GATA5: variants seen among roughly 807,000 people sequenced by gnomAD.
The protein encoded by GATA5 is GATA binding protein 5.
GATA5 carries 27 observed loss-of-function variants against 35.0 expected under a neutral mutation model. The ratio of observed to expected loss-of-function variants is 0.77; its 90% CI spans 0.57 to 1.06. GATA5 has a LOEUF of 1.06. GATA5 is among the 50% of genes least tolerant of loss of function. The probability of loss-of-function intolerance (pLI) is 0.00; values close to 1 mark genes in which losing one functional copy is unlikely to be tolerated. For synonymous variants in GATA5, 306 were observed against 267.8 expected, an observed-to-expected ratio of 1.14 and a Z score of -1.39; for missense variants, 612 against 580.0, an observed-to-expected ratio of 1.06 and a Z score of -0.57.
chr20:62,463,675 G>A lies in GATA5; in HGVS notation c.*1161C>T, dbSNP rs573434304. On this transcript the variant is annotated 3_prime_UTR_variant, in exon 7 of 7. Transcript: ENST00000252997. ...TTCAATATGGGGTGGTGCACTGGGG[G>A]TCTAGCTGGCTCACAATGTTAAAAA... 1.3e-5 allele frequency: 2 copies of A among 152,352 alleles called. No homozygotes were observed. The highest frequency in any genetic ancestry group is 1.9e-4 in the East Asian group (1 of 5,190). The allele number at this position is 152,352 out of a possible 1,614,324, so 9.4% of individuals were successfully genotyped here.
Position 62,475,495 on chromosome 20 carries a change from C to A in GATA5, c.27G>T (p.Ala9=). 7.6e-7 allele frequency: 1 copy of A among 1,319,814 alleles called. No homozygotes were observed. Among genetic ancestry groups the A allele is most frequent in the Non-Finnish European group, 9.6e-7 (1 of 1,037,104 alleles). The allele number at this position is 1,319,814 out of a possible 1,614,324, so 81.8% of individuals were successfully genotyped here. The change falls in exon 2 of 7, where the codon GCG becomes GCT. Residue 9 remains alanine, a synonymous_variant. Transcript: ENST00000252997. Reference sequence around the variant, plus strand: ...CGGCGTAGGCGGCCTGGCGGGGGCTCGCGGCCAGCGCCAGGCTCTGGTACA... The same window carrying A: ...CGGCGTAGGCGGCCTGGCGGGGGCTAGCGGCCAGCGCCAGGCTCTGGTACA... MYQSLALA[A]SPRQAAYADS... is the part of the protein sequence containing the mutation.
At position 62,475,335 on chromosome 20, in the gene GATA5, C is replaced by T. The variant is rs975107982; in HGVS notation, c.187G>A (p.Gly63Ser). ...TCCGCGGTGGCTGTCTGCGCCCAGCCGGGGCGCGCAGCGAGCTCGGGGGGC... is the reference window on the plus strand; with the variant it reads ...TCCGCGGTGGCTGTCTGCGCCCAGCTGGGGCGCGCAGCGAGCTCGGGGGGC... ...PQPPELAARP[G>S]WAQTATADSS... Residue 63 changes from glycine to serine, a missense_variant, in exon 2 of 7, where the codon GGC becomes AGC. Coordinates refer to ENST00000252997, the MANE Select transcript of GATA5 (RefSeq NM_080473.5). 1.6e-6 allele frequency: 2 copies of T among 1,253,796 alleles called. No individual in the cohort carries two copies. 77.7% of individuals were successfully genotyped at this position (1,253,796 alleles called of 1,614,324 possible).
rs1237987380 is a variant in GATA5 at position 62,473,702 on chromosome 20, C to T, written c.524-124G>A. 29 of 814,254 alleles carry T rather than the reference C, an allele frequency of 3.6e-5. No homozygotes were observed. The Admixed American group carries it at 8.4e-4, about 23-fold the overall frequency. 50.4% of individuals were successfully genotyped at this position (814,254 alleles called of 1,614,324 possible). A position where few individuals can be genotyped will look rare whatever the true frequency, so the allele number is the denominator to read the frequency against. ...TTTCGTCAGACGAATAAACTTAAGG[C>T]ACAAATCTTGTGCCTTAGATGTATT... On this transcript the variant is annotated intron_variant, in intron 2 of 6. Transcript: ENST00000252997.
chr20:62,475,319 GCTGT>G lies in GATA5; in HGVS notation c.199_202del (p.Thr67ProfsTer79). On this transcript the variant is annotated frameshift_variant, in exon 2 of 7. Coordinates refer to ENST00000252997, the MANE Select transcript of GATA5 (RefSeq NM_080473.5). LOFTEE classifies it high-confidence loss of function. ...GCCGAAGGCCGACGAATCCGCGGTG[GCTGT>G]CTGCGCCCAGCCGGGGCGCGCAGCG... 8.0e-7 allele frequency: 1 copy of G among 1,251,382 alleles called. No homozygotes were observed. The highest frequency in any genetic ancestry group is 1.0e-6 in the Non-Finnish European group (1 of 997,726). 77.5% of individuals were successfully genotyped at this position (1,251,382 alleles called of 1,614,324 possible).
At position 62,470,518 on chromosome 20, in the gene GATA5, C is replaced by T. The variant is rs8125731; in HGVS notation, c.699+2885G>A. On this transcript the variant is annotated intron_variant, in intron 3 of 6. Transcript: ENST00000252997. The surrounding 1 kb of genome is among the most constrained non-coding windows in gnomAD (Gnocchi z 4.6). The stretch of plus-strand genomic sequence containing the variant: ...GGCCGAGGACAAACTGACTTGGGGA[C>T]GTGGGTCTGTGAAGGGCTCGAAGGA... Among the ~76,000 whole-genome samples, 18,022 of 152,144 alleles carry T rather than the reference C, an allele frequency of 0.12. 1,212 individuals are homozygous for T. Among genetic ancestry groups the T allele is most frequent in the Middle Eastern group, 0.15 (43 of 294 alleles).
rs73149261 is a variant in GATA5, at chr20:62,464,606, T to C, written c.*230A>G. 7,480 of 430,746 alleles carry C rather than the reference T, an allele frequency of 0.017. 112 individuals carry two copies. Among genetic ancestry groups the C allele is most frequent in the Middle Eastern group, 0.038 (66 of 1,728 alleles). 26.7% of individuals were successfully genotyped at this position (430,746 alleles called of 1,614,324 possible). On this transcript the variant is annotated 3_prime_UTR_variant, in exon 7 of 7. Transcript: ENST00000252997. ...GGGCCGCACCTGGGGAGTCCCTTGCTGTACGTGGGGTGGGAAGCTGAGCCC... is the reference window on the plus strand; with the variant it reads ...GGGCCGCACCTGGGGAGTCCCTTGCCGTACGTGGGGTGGGAAGCTGAGCCC...
intron 3 of GATA5, 23 bp downstream of exon 3, chr20:62,473,380 C>T (rs1555896742): frequency 1.3e-6 from 2 of 1,590,260 alleles, no homozygotes; most frequent in Admixed American, 1.7e-5. Flanking sequence ...GCCCAGGCGC[C>T]CCTCTGCCCA....
At chr20:62,468,929 G>C (rs567593593) in intron 3 of GATA5, among the ~76,000 whole-genome samples, 1 of 152,344 alleles carries the variant, frequency 6.6e-6, no homozygotes, top group South Asian at 2.1e-4. Context: ...TCTCTCCCTG[G>C]GATGCCCCCT....
At chr20:62,474,102 G>A (rs1470398127) in intron 2 of GATA5, among the ~76,000 whole-genome samples, 4 of 152,220 alleles carry the variant, frequency 2.6e-5, no homozygotes, top group African/African-American at 7.2e-5. Context: ...GGAGGGTGGA[G>A]GAGGTGCCTT....
In GATA5 at chr20:62,473,480, A is replaced by G; in HGVS notation, c.622T>C (p.Tyr208His). ...PLWRRDGTGH[Y>H]LCNACGLYHK... Reference sequence around the variant, plus strand: ...TAGAGGCCGCAGGCATTGCACAGGTAGTGGCCGGTGCCGTCTCGGCGCCAC... The same window carrying G: ...TAGAGGCCGCAGGCATTGCACAGGTGGTGGCCGGTGCCGTCTCGGCGCCAC... Residue 208 changes from tyrosine (Y) to histidine (H), a missense_variant, in exon 3 of 7, where the codon TAC (tyrosine) becomes CAC (histidine). By Grantham distance (83) the Tyr-to-His change is moderately conservative (BLOSUM62 2). Transcript: ENST00000252997. 2 of 1,611,458 alleles carry G rather than the reference A, an allele frequency of 1.2e-6. No individual in the cohort carries two copies. The highest frequency in any genetic ancestry group is 1.7e-6 in the Non-Finnish European group (2 of 1,179,334).
Position 62,464,959 on chromosome 20 carries a change from G to C in GATA5, c.1071C>G (p.Pro357=), listed in dbSNP as rs556416810. 2.5e-6 allele frequency: 4 copies of C among 1,609,362 alleles called. No homozygotes were observed. The highest frequency in any genetic ancestry group is 2.7e-5 in the African/African-American group (2 of 74,544). ...ASGQEDDSLA[P]GHLEFKFEPE... ...GCTCGAACTTGAACTCCAAGTGGCC[G>C]GGGGCAAGAGAGTCATCCTCCTGGC... Residue 357 remains proline (P), a synonymous_variant, in exon 7 of 7, where the codon CCC becomes CCG. Transcript: ENST00000252997.
chr20:62,470,284 T>G lies in GATA5; in HGVS notation c.699+3119A>C, dbSNP rs1015056459. 1.1e-4 allele frequency among the ~76,000 whole-genome samples: 16 copies of G among 152,038 alleles called. No individual in the cohort carries two copies. The highest frequency in any genetic ancestry group is 1.5e-4 in the Non-Finnish European group (10 of 68,002). ...ATGAAGCGCACACGCCGGGAAACACTTTGGAGTAAAGGTGCAGGTCACAGT... is the reference window on the plus strand; with the variant it reads ...ATGAAGCGCACACGCCGGGAAACACGTTGGAGTAAAGGTGCAGGTCACAGT... On this transcript the variant is annotated intron_variant, in intron 3 of 6. Coordinates refer to ENST00000252997, the MANE Select transcript of GATA5 (RefSeq NM_080473.5). This position sits in a 1 kb window ranked among gnomAD's most constrained non-coding sequence, Gnocchi z 4.6.
At chr20:62,472,500 C>G (rs1363404078) in intron 3 of GATA5, among the ~76,000 whole-genome samples, 1 of 152,204 alleles carries the variant, frequency 6.6e-6, no homozygotes, top group South Asian at 2.1e-4. Context: ...GCTGGCTGAT[C>G]GACCCCGCAC....
chr20:62,471,250 C>T (rs1989712157), intron 3 of GATA5, among the ~76,000 whole-genome samples: 1 of 151,986 alleles, frequency 6.6e-6, no homozygotes, highest in African/African-American at 2.4e-5. Context: ...CAAGGCCTGG[C>T]AGTGGGGAGA....
At position 62,469,876 on chromosome 20, in the gene GATA5, C is replaced by T. The variant is rs113746776; in HGVS notation, c.700-3325G>A. ...GGGAGGCCCGGGGTGGACAGAACCG[C>T]CCCCCTCGGCCAGGTACTTAGGGGA... is the stretch of plus-strand genomic sequence containing the variant. On this transcript the variant is annotated intron_variant, in intron 3 of 6. Coordinates refer to ENST00000252997, the MANE Select transcript of GATA5 (RefSeq NM_080473.5). Among the ~76,000 whole-genome samples the T allele has an allele frequency of 6.2e-3, 945 of 152,268 alleles. 5 individuals are homozygous for T. The highest frequency in any genetic ancestry group is 0.022 in the African/African-American group (897 of 41,554).
In GATA5 at chr20:62,470,800, G is replaced by A. The variant is rs566064778; in HGVS notation, c.699+2603C>T. 2.3e-4 allele frequency among the ~76,000 whole-genome samples: 35 copies of A among 152,268 alleles called. No homozygotes were observed. The highest frequency in any genetic ancestry group is 8.2e-4 in the African/African-American group (34 of 41,550). On this transcript the variant is annotated intron_variant, in intron 3 of 6. Transcript: ENST00000252997. The surrounding 1 kb of genome is among the most constrained non-coding windows in gnomAD (Gnocchi z 4.6). ...GCTCCCAACCGTGTCCGAGCACAGA[G>A]CCAGACCATGGGGAGAGGGCACGGT...
chr20:62,468,222 C>T (rs1483626918), intron 3 of GATA5, among the ~76,000 whole-genome samples: 3 of 151,636 alleles, frequency 2.0e-5, no homozygotes, highest in East Asian at 3.9e-4. Flanking sequence ...TCGGCTTCCC[C>T]GTCTGTTACA....
chr20:62,465,648 C>T (rs1555895985), intron 5 of GATA5, among the ~76,000 whole-genome samples, 184 bp from the exon 6 acceptor site: 2 of 152,188 alleles, frequency 1.3e-5, no homozygotes, highest in South Asian at 4.1e-4. Flanking sequence ...CCCTGCTGCC[C>T]ACATGCTGTC....
At chr20:62,466,610 G>C in intron 3 of GATA5, 59 bp from the exon 4 acceptor site, 1 of 1,516,586 alleles carries the variant, frequency 6.6e-7, no homozygotes, top group South Asian at 1.2e-5. Context: ...TGGAGCAGGG[G>C]GACGGAAGCG....
Sources: gnomAD v4.1 joint callset for allele counts (sites outside exome capture counted in the v4.1 genomes callset) on GRCh38, gnomAD v4.1.1 for gene constraint, Gnocchi (gnomAD v3.1) non-coding constraint, MANE v1.5 for transcripts, NCBI Gene and HGNC (gene_info 2026-07-23, HGNC 2026-07-21) for gene names.